PPP2R2B: variants seen among roughly 807,000 people sequenced by gnomAD.
The protein encoded by PPP2R2B is serine/threonine-protein phosphatase 2A 55 kDa regulatory subunit B beta isoform.
In PPP2R2B, 5 loss-of-function variants were observed where a neutral mutation model predicts 46.0. The ratio of observed to expected loss-of-function variants is 0.11; its 90% confidence interval spans 0.06 to 0.23. PPP2R2B has a LOEUF of 0.23. Ranked by LOEUF, PPP2R2B falls within the 10% of genes least tolerant of loss-of-function variation. The pLI is 1.00. For missense variants in PPP2R2B, 367 were observed against 575.0 expected, an observed-to-expected ratio of 0.64 and a Z score of 3.70; for synonymous variants, 215 against 206.7, an observed-to-expected ratio of 1.04 and a Z score of -0.34.
chr5:146,708,931 TCTTAA>T (rs1195448530), intron 2 of PPP2R2B, among the ~76,000 whole-genome samples: 2 of 152,174 alleles, frequency 1.3e-5, no homozygotes, highest in African/African-American at 2.4e-5. Flanking sequence ...AGCGTTACCT[TCTTAA>T]CTTGACACTG....
intron 1 of PPP2R2B, among the ~76,000 whole-genome samples, chr5:146,974,120 G>T (rs1325754267): frequency 1.3e-5 from 2 of 152,090 alleles, no homozygotes; most frequent in African/African-American, 4.8e-5. Context: ...ATCCGGGCAA[G>T]AAAGTATCAT....
At chr5:146,973,645 G>A (rs1752764312) in intron 1 of PPP2R2B, among the ~76,000 whole-genome samples, 1 of 152,152 alleles carries the variant, frequency 6.6e-6, no homozygotes. Context: ...GAGAGAAATT[G>A]CCACTTGATT....
chr5:146,724,716 T>C (rs1751742045), intron 2 of PPP2R2B, among the ~76,000 whole-genome samples: 1 of 152,148 alleles, frequency 6.6e-6, no homozygotes, highest in Non-Finnish European at 1.5e-5. Context: ...TGGGCTGATC[T>C]TGACATATTT....
intron 2 of PPP2R2B, among the ~76,000 whole-genome samples, chr5:146,719,298 C>A (rs954160127): frequency 2.0e-5 from 3 of 152,090 alleles, no homozygotes; most frequent in African/African-American, 7.2e-5. Context: ...TAGAATGGTA[C>A]CTGACACACA....
intron 1 of PPP2R2B, among the ~76,000 whole-genome samples, chr5:147,012,352 T>C (rs1265465266): frequency 6.6e-6 from 1 of 152,184 alleles, no homozygotes; most frequent in Non-Finnish European, 1.5e-5. Context: ...CTAGATTTTC[T>C]AGTTTATTTG....
At chr5:146,749,904 C>T (rs1321035884) in intron 2 of PPP2R2B, among the ~76,000 whole-genome samples, 1 of 151,772 alleles carries the variant, frequency 6.6e-6, no homozygotes, top group African/African-American at 2.4e-5. Context: ...GGCCAATTTC[C>T]TTTTTTTTCT....
intron 7 of PPP2R2B, among the ~76,000 whole-genome samples, chr5:146,628,045 A>T (rs1002365744): frequency 6.6e-6 from 1 of 152,020 alleles, no homozygotes; most frequent in African/African-American, 2.4e-5. Flanking sequence ...CCTGGGCTCA[A>T]GTGATTCTCC....
chr5:146,857,222 C>A (rs569332622), intron 2 of PPP2R2B, among the ~76,000 whole-genome samples: 2 of 151,970 alleles, frequency 1.3e-5, no homozygotes, highest in Non-Finnish European at 2.9e-5. Context: ...TCACCTCACT[C>A]GTTAGAAATG....
chr5:146,761,444 C>A (rs931878103), intron 2 of PPP2R2B, among the ~76,000 whole-genome samples: 2 of 152,026 alleles, frequency 1.3e-5, no homozygotes. Context: ...AGTTTTCACT[C>A]ATAGGTGGGA....
chr5:146,718,479 C>A (rs1299536101), intron 2 of PPP2R2B, among the ~76,000 whole-genome samples: 1 of 152,050 alleles, frequency 6.6e-6, no homozygotes. Flanking sequence ...CTTACACACA[C>A]ACGTACATTT....
At chr5:146,957,868 G>A (rs754925095) in intron 1 of PPP2R2B, among the ~76,000 whole-genome samples, 1 of 152,150 alleles carries the variant, frequency 6.6e-6, no homozygotes, top group African/African-American at 2.4e-5. Context: ...TCAGTCTCAC[G>A]TATATCACTT....
At chr5:146,881,486 C>G (rs1053383279), upstream of PPP2R2B, among the ~76,000 whole-genome samples, 1 of 152,148 alleles carries the variant, frequency 6.6e-6, no homozygotes, top group Non-Finnish European at 1.5e-5. Context: ...GATCAAGGCT[C>G]ACTGCAACCT....
At chr5:146,913,435 G>T (rs1763263026) in intron 1 of PPP2R2B, among the ~76,000 whole-genome samples, 1 of 152,164 alleles carries the variant, frequency 6.6e-6, no homozygotes, top group African/African-American at 2.4e-5. Context: ...AACATGCAAG[G>T]AAGTTCTATG....
chr5:146,886,138 A>G (rs976544083), intron 1 of PPP2R2B, among the ~76,000 whole-genome samples: 11 of 152,116 alleles, frequency 7.2e-5, no homozygotes, highest in Non-Finnish European at 1.3e-4. Context: ...GGAGATCGAG[A>G]CCACCCTGGC....
At chr5:146,935,170 G>T (rs924573038) in intron 1 of PPP2R2B, among the ~76,000 whole-genome samples, 2 of 152,126 alleles carry the variant, frequency 1.3e-5, no homozygotes, top group East Asian at 3.9e-4. Context: ...ATGATATTAC[G>T]AACTGGGGCC....
intron 2 of PPP2R2B, among the ~76,000 whole-genome samples, chr5:146,725,877 T>C (rs2151199459): frequency 6.6e-6 from 1 of 152,328 alleles, no homozygotes; most frequent in Middle Eastern, 3.4e-3. Flanking sequence ...TGTTCACTGT[T>C]GTACCTTGTG....
chr5:146,676,095 G>A (rs963040034), intron 5 of PPP2R2B, among the ~76,000 whole-genome samples: 3 of 152,012 alleles, frequency 2.0e-5, no homozygotes, highest in Non-Finnish European at 4.4e-5. Context: ...TTGAAACAAT[G>A]GCAGCTGGGG....
upstream of PPP2R2B, chr5:146,878,901 G>T: frequency 1.7e-6 from 2 of 1,151,730 alleles, no homozygotes; most frequent in East Asian, 4.5e-5. The surrounding 1 kb of genome is among the most constrained non-coding windows in gnomAD (Gnocchi z 4.5). Flanking sequence ...ATGCAGCCGC[G>T]AATCGGCACC....
chr5:146,627,263 C>T (rs934903561), intron 7 of PPP2R2B, among the ~76,000 whole-genome samples: 1 of 152,176 alleles, frequency 6.6e-6, no homozygotes, highest in Non-Finnish European at 1.5e-5. Context: ...TTAATTATAC[C>T]TCAGATCAAT....
Sources: allele counts gnomAD v4.1 joint callset (sites outside exome capture counted in the v4.1 genomes callset), GRCh38; gene constraint gnomAD v4.1.1; non-coding constraint Gnocchi (gnomAD v3.1); transcripts MANE v1.5; gene names NCBI Gene and HGNC (gene_info 2026-07-23, HGNC 2026-07-21).